Variants in NUBPL observed in about 807,000 individuals in gnomAD.
The protein encoded by NUBPL is NUBP iron-sulfur cluster assembly factor, mitochondrial.
In NUBPL, 31 loss-of-function variants were observed where a neutral mutation model predicts 45.7. That is an observed-to-expected ratio of 0.68 (90% CI 0.51 to 0.92). The LOEUF (loss-of-function observed/expected upper bound fraction) is 0.92. NUBPL is among the 40% of genes least tolerant of loss of function. The pLI is 0.00. For synonymous variants in NUBPL, 144 were observed against 140.9 expected, an observed-to-expected ratio of 1.02 and a Z score of -0.15; for missense variants, 401 against 398.7, an observed-to-expected ratio of 1.01 and a Z score of -0.05.
chr14:31,783,169 G>A (rs2039223616), intron 6 of NUBPL, among the ~76,000 whole-genome samples: 1 of 152,174 alleles, frequency 6.6e-6, no homozygotes, highest in East Asian at 1.9e-4. Flanking sequence ...TATAAGCATA[G>A]GGTAATGAGG....
chr14:31,749,528 C>G (rs1028651956), intron 6 of NUBPL, among the ~76,000 whole-genome samples: 1 of 152,156 alleles, frequency 6.6e-6, no homozygotes, highest in African/African-American at 2.4e-5. Context: ...ATCCTATTCT[C>G]TTCTGGTGGG....
intron 2 of NUBPL, among the ~76,000 whole-genome samples, chr14:31,562,605 T>TC: frequency 1.0e-5 from 1 of 99,552 alleles, no homozygotes; most frequent in East Asian, 2.3e-4. Context: ...TTTTTTTTTG[T>TC]TTTTTTTTTT....
At chr14:31,820,022 C>T (rs1050924203) in intron 7 of NUBPL, among the ~76,000 whole-genome samples, 1 of 151,744 alleles carries the variant, frequency 6.6e-6, no homozygotes, top group African/African-American at 2.4e-5. Context: ...TGCCTGTAGT[C>T]CCAGCTACTC....
intron 4 of NUBPL, among the ~76,000 whole-genome samples, chr14:31,626,151 CTTATT>C (rs139169614): frequency 0.14 from 20,710 of 151,588 alleles, 4,078 homozygotes; most frequent in African/African-American, 0.44. Context: ...TTACCTTTAT[CTTATT>C]TTATTTTATT....
At chr14:31,834,261 A>G (rs376866975) in intron 8 of NUBPL, among the ~76,000 whole-genome samples, 1 of 143,616 alleles carries the variant, frequency 7.0e-6, no homozygotes, top group Non-Finnish European at 1.5e-5. Context: ...GCTCACTGCA[A>G]CCTCCGCCTC....
chr14:31,738,067 G>A (rs2038201608), intron 6 of NUBPL, among the ~76,000 whole-genome samples: 4 of 152,076 alleles, frequency 2.6e-5, no homozygotes. Flanking sequence ...GAATTTAAAA[G>A]CTTTTATGTT....
chr14:31,764,234 A>C (rs1411690829), intron 6 of NUBPL, among the ~76,000 whole-genome samples: 1 of 152,148 alleles, frequency 6.6e-6, no homozygotes, highest in Non-Finnish European at 1.5e-5. Flanking sequence ...TCTTTGTCAT[A>C]ATTTTTATTT....
intron 3 of NUBPL, 133 bp from the exon 4 acceptor site, chr14:31,599,156 T>G (rs1322865222): frequency 1.4e-6 from 1 of 714,894 alleles, no homozygotes; most frequent in African/African-American, 1.8e-5. Context: ...GGTTATGATT[T>G]GTAATATTTT....
intron 3 of NUBPL, among the ~76,000 whole-genome samples, chr14:31,578,798 C>T (rs376886379): frequency 6.6e-6 from 1 of 152,146 alleles, no homozygotes; most frequent in African/African-American, 2.4e-5. Context: ...AGAGAGCGGG[C>T]AGCTTGTTGT....
At chr14:31,749,931 A>G (rs914089799) in intron 6 of NUBPL, among the ~76,000 whole-genome samples, 3 of 152,058 alleles carry the variant, frequency 2.0e-5, no homozygotes, top group African/African-American at 7.2e-5. Flanking sequence ...GAGTTATTTC[A>G]AAAGACCTGT....
intron 6 of NUBPL, among the ~76,000 whole-genome samples, chr14:31,748,577 A>G (rs938347387): frequency 6.7e-6 from 1 of 149,394 alleles, no homozygotes; most frequent in Non-Finnish European, 1.5e-5. Flanking sequence ...TTAAAAGTCA[A>G]TTTAATCTTA....
chr14:31,665,000 T>C (rs1045900023), intron 4 of NUBPL, among the ~76,000 whole-genome samples: 78 of 152,334 alleles, frequency 5.1e-4, no homozygotes, highest in African/African-American at 1.8e-3. Flanking sequence ...GATTTTCTAG[T>C]TGATTTGCGT....
chr14:31,584,969 C>T (rs572073459), intron 3 of NUBPL, among the ~76,000 whole-genome samples: 219 of 152,322 alleles, frequency 1.4e-3, no homozygotes, highest in Middle Eastern at 0.01. Flanking sequence ...GCCTGATTAT[C>T]TCCCAAAGGC....
At chr14:31,805,558 A>G (rs891407904) in intron 7 of NUBPL, among the ~76,000 whole-genome samples, 4 of 152,220 alleles carry the variant, frequency 2.6e-5, no homozygotes, top group Admixed American at 6.5e-5. Flanking sequence ...AATATGCTAT[A>G]TACACACCAT....
chr14:31,845,147 G>A (rs1033268053), intron 8 of NUBPL: 2 of 151,868 alleles, frequency 1.3e-5, no homozygotes, highest in African/African-American at 4.8e-5. Context: ...TCTGTGGTTG[G>A]TTCAAAAAAA....
In NUBPL at chr14:31,860,453, T is replaced by A. The variant is rs1253346652; in HGVS notation, c.*1273T>A. The A allele has an allele frequency of 6.6e-6, 1 of 152,200 alleles. No individual in the cohort carries two copies. Among genetic ancestry groups the A allele is most frequent in the Non-Finnish European group, 1.5e-5 (1 of 68,038 alleles). The allele number at this position is 152,200 out of a possible 1,614,324, so 9.4% of individuals were successfully genotyped here. A position where few individuals can be genotyped will look rare whatever the true frequency, so the allele number is the denominator to read the frequency against. On this transcript the variant is annotated 3_prime_UTR_variant, in exon 11 of 11. Coordinates refer to ENST00000281081, the MANE Select transcript of NUBPL (RefSeq NM_025152.3). ...CAAATAATACATTTTGAAAAACATTTATCTTGTCTAATTGAAGCTCAAAGA... is the reference window on the plus strand; with the variant it reads ...CAAATAATACATTTTGAAAAACATTAATCTTGTCTAATTGAAGCTCAAAGA...
chr14:31,601,329 A>G (rs2034428256), intron 4 of NUBPL, among the ~76,000 whole-genome samples: 1 of 152,178 alleles, frequency 6.6e-6, no homozygotes, highest in South Asian at 2.1e-4. Flanking sequence ...CATTGAATCT[A>G]TAAATTCCCT....
At chr14:31,806,929 T>C (rs1353121599) in intron 7 of NUBPL, among the ~76,000 whole-genome samples, 1 of 152,246 alleles carries the variant, frequency 6.6e-6, no homozygotes, top group Non-Finnish European at 1.5e-5. Context: ...GTTTCATCCA[T>C]GTCGCTACAC....
At position 31,561,477 on chromosome 14, in the gene NUBPL, T is replaced by C; in HGVS notation, c.38T>C (p.Val13Ala). ...CAGCGTCTGCTGCTTTTTGGTGGGG[T>C]GTCGCTCCGGGCTGGTGGCGGGGCC... ...IWQRLLLFGG[V>A]SLRAGGGATA... Residue 13 changes from valine to alanine, a missense_variant, in exon 1 of 11, where the codon GTG (valine) becomes GCG (alanine). Physicochemically the swap from Val to Ala is moderately conservative, Grantham distance 64. Transcript: ENST00000281081. 7.1e-7 allele frequency: 1 copy of C among 1,412,720 alleles called. No homozygotes were observed. The highest frequency in any genetic ancestry group is 1.7e-5 in the South Asian group (1 of 57,414). 87.5% of individuals were successfully genotyped at this position (1,412,720 alleles called of 1,614,324 possible). A position where few individuals can be genotyped will look rare whatever the true frequency, so the allele number is the denominator to read the frequency against.
Sources: gnomAD v4.1 joint callset for allele counts (sites outside exome capture counted in the v4.1 genomes callset) on GRCh38, gnomAD v4.1.1 for gene constraint, MANE v1.5 for transcripts, NCBI Gene and HGNC (gene_info 2026-07-23, HGNC 2026-07-21) for gene names.